The following CADPS2 variants were observed in gnomAD, a reference collection of about 807,000 sequenced individuals.
CADPS2 encodes the protein calcium-dependent secretion activator 2.
A neutral mutation model predicts 172.5 loss-of-function variants in CADPS2; 93 were observed. The observed-to-expected ratio is 0.54, with a 90% CI of 0.46 to 0.64. The LOEUF (loss-of-function observed/expected upper bound fraction) is 0.64, where lower values mean the gene tolerates loss of function less well. CADPS2 is among the 30% of genes least tolerant of loss of function. The pLI, the probability that CADPS2 is intolerant of heterozygous loss-of-function variation, is 0.00. For missense variants in CADPS2, 1,420 were observed against 1,565.9 expected (o/e 0.91, Z 1.57); for synonymous variants, 546 against 555.2 (o/e 0.98, Z 0.23).
chr7:122,465,222 C>T (rs948930170), intron 14 of CADPS2, among the ~76,000 whole-genome samples: 4 of 152,152 alleles, frequency 2.6e-5, no homozygotes, highest in Non-Finnish European at 4.4e-5. Context: ...AATATCAATA[C>T]ATTTAATAAC....
chr7:122,487,648 T>TA (rs2057954904), intron 11 of CADPS2, among the ~76,000 whole-genome samples: 2 of 152,204 alleles, frequency 1.3e-5, no homozygotes, highest in South Asian at 4.2e-4. Flanking sequence ...TAACCAAGAA[T>TA]AAAAAGAGCT....
At chr7:122,720,938 G>C (rs888490302) in intron 2 of CADPS2, among the ~76,000 whole-genome samples, 2 of 151,974 alleles carry the variant, frequency 1.3e-5, no homozygotes, top group African/African-American at 2.4e-5. Flanking sequence ...GCTATCATTT[G>C]AAATATATGT....
intron 2 of CADPS2, among the ~76,000 whole-genome samples, chr7:122,707,838 T>C (rs2087846896): frequency 6.6e-6 from 1 of 151,602 alleles, no homozygotes; most frequent in African/African-American, 2.4e-5. Context: ...GCATCTCCTC[T>C]AATTACAGCT....
At chr7:122,509,288 G>T (rs1240548723) in intron 9 of CADPS2, among the ~76,000 whole-genome samples, 1 of 152,164 alleles carries the variant, frequency 6.6e-6, no homozygotes, top group African/African-American at 2.4e-5. Flanking sequence ...TACATCTGCA[G>T]CAGGTATGGA....
chr7:122,404,446 T>A (rs2046376818), intron 20 of CADPS2, among the ~76,000 whole-genome samples: 1 of 152,210 alleles, frequency 6.6e-6, no homozygotes, highest in Non-Finnish European at 1.5e-5. Context: ...AGTGCCGCAA[T>A]AAACATACGT....
intron 7 of CADPS2, among the ~76,000 whole-genome samples, chr7:122,558,806 G>A (rs1350064775): frequency 6.6e-6 from 1 of 152,174 alleles, no homozygotes; most frequent in African/African-American, 2.4e-5. Context: ...CCTGATTGAG[G>A]CCAAACTACA....
chr7:122,732,916 T>C (rs1419937609), intron 2 of CADPS2, among the ~76,000 whole-genome samples: 4 of 146,376 alleles, frequency 2.7e-5, no homozygotes, highest in Non-Finnish European at 6.0e-5. Flanking sequence ...ACATTATATA[T>C]TATGTATAAT....
At chr7:122,685,777 A>G (rs1368429617) in intron 2 of CADPS2, among the ~76,000 whole-genome samples, 2 of 152,194 alleles carry the variant, frequency 1.3e-5, no homozygotes, top group African/African-American at 4.8e-5. Flanking sequence ...CAGGGCAATC[A>G]ATATTTGTTG....
chr7:122,466,829 T>A (rs1214912321), intron 14 of CADPS2, among the ~76,000 whole-genome samples: 5 of 152,144 alleles, frequency 3.3e-5, no homozygotes, highest in Non-Finnish European at 7.4e-5. Context: ...AGTTAAGTAG[T>A]TCATCAGTAG....
chr7:122,853,532 T>A (rs1814297269), intron 1 of CADPS2, among the ~76,000 whole-genome samples: 2 of 152,140 alleles, frequency 1.3e-5, no homozygotes, highest in Admixed American at 1.3e-4. Context: ...AGATCCCTAT[T>A]TGTTCTTTTA....
chr7:122,477,100 T>C (rs954533007), intron 12 of CADPS2, among the ~76,000 whole-genome samples: 1 of 138,382 alleles, frequency 7.2e-6, no homozygotes, highest in Non-Finnish European at 1.6e-5. Flanking sequence ...GAGAGGTAGG[T>C]AGATAGGCTG....
chr7:122,645,501 AG>A (rs1269244922), intron 3 of CADPS2, among the ~76,000 whole-genome samples: 2 of 114,446 alleles, frequency 1.7e-5, no homozygotes, highest in Admixed American at 9.3e-5. Context: ...TATATATATA[AG>A]TATATATATA....
intron 8 of CADPS2, among the ~76,000 whole-genome samples, chr7:122,520,513 TA>T (rs1399336924): frequency 3.3e-5 from 5 of 152,028 alleles, no homozygotes; most frequent in African/African-American, 1.2e-4. Flanking sequence ...ATTTTCTGAT[TA>T]AAAAATTGAG....
chr7:122,463,484 A>G (rs1448765150), intron 14 of CADPS2, among the ~76,000 whole-genome samples: 1 of 152,156 alleles, frequency 6.6e-6, no homozygotes, highest in Non-Finnish European at 1.5e-5. Context: ...CCTTGTGTCA[A>G]TAAATTATGA....
intron 8 of CADPS2, 83 bp downstream of exon 8, chr7:122,554,467 G>A: frequency 7.6e-7 from 1 of 1,312,770 alleles, no homozygotes. Flanking sequence ...CTGCTATACT[G>A]GTTCTCTCAC....
chr7:122,560,030 T>G (rs2065543166), intron 7 of CADPS2, among the ~76,000 whole-genome samples: 1 of 152,136 alleles, frequency 6.6e-6, no homozygotes, highest in Non-Finnish European at 1.5e-5. Context: ...ATTGCCTGGT[T>G]AAAAAAGAGA....
In CADPS2 at chr7:122,319,146, A is replaced by G. The variant is rs2031868021; in HGVS notation, c.*1019T>C. On this transcript the variant is annotated 3_prime_UTR_variant, in exon 30 of 30. Coordinates refer to ENST00000449022, the MANE Select transcript of CADPS2 (RefSeq NM_017954.11). ...ACTAATATTAACTAATAATATATGA[A>G]ATATATATTTCCTCTGCTATGGAAA... 1 of 152,196 alleles carries G rather than the reference A, an allele frequency of 6.6e-6. No homozygotes were observed. The highest frequency in any genetic ancestry group is 2.1e-4 in the South Asian group (1 of 4,834). The allele number at this position is 152,196 out of a possible 1,614,324, so 9.4% of individuals were successfully genotyped here. A position where few individuals can be genotyped will look rare whatever the true frequency, so the allele number is the denominator to read the frequency against.
At chr7:122,824,470 T>G (rs556855142) in intron 1 of CADPS2, among the ~76,000 whole-genome samples, 64 of 152,348 alleles carry the variant, frequency 4.2e-4, no homozygotes, top group African/African-American at 1.5e-3. Flanking sequence ...ATCTGATATC[T>G]CATTACAGTT....
intron 25 of CADPS2, among the ~76,000 whole-genome samples, chr7:122,372,590 C>A (rs957316010): frequency 1.1e-4 from 16 of 152,042 alleles, no homozygotes; most frequent in African/African-American, 3.9e-4. Flanking sequence ...TTATTTTTAT[C>A]CAGATGTAGC....
Sources: allele counts gnomAD v4.1 joint callset (sites outside exome capture counted in the v4.1 genomes callset), GRCh38; gene constraint gnomAD v4.1.1; transcripts MANE v1.5; gene names NCBI Gene and HGNC (gene_info 2026-07-23, HGNC 2026-07-21).